The following ADAMTSL1 variants were observed in gnomAD, a reference collection of about 807,000 sequenced individuals.
ADAMTSL1 encodes ADAMTS like 1, also known as ADAMTS-like protein 1.
ADAMTSL1 carries 126 observed loss-of-function variants against 201.8 expected under a neutral mutation model. The ratio of observed to expected loss-of-function variants is 0.62; its 90% confidence interval spans 0.54 to 0.72. The LOEUF is 0.72. Ranked by LOEUF, ADAMTSL1 falls within the 30% of genes least tolerant of loss-of-function variation. ADAMTSL1 has a pLI of 0.00. For missense variants in ADAMTSL1, 2,679 were observed against 2,277.8 expected (o/e 1.18, Z -3.59); for synonymous variants, 1,121 against 903.4 (o/e 1.24, Z -4.32).
At chr9:18,883,400 G>A (rs1828660757) in intron 23 of ADAMTSL1, among the ~76,000 whole-genome samples, 2 of 152,144 alleles carry the variant, frequency 1.3e-5, no homozygotes, top group Non-Finnish European at 2.9e-5. Context: ...GTTTGGAACT[G>A]GTACATTATC....
At chr9:18,178,439 G>C (rs1295762955) in intron 2 of ADAMTSL1, among the ~76,000 whole-genome samples, 4 of 151,428 alleles carry the variant, frequency 2.6e-5, no homozygotes, top group South Asian at 4.2e-4. Flanking sequence ...AGGCAGCAGC[G>C]AGGCTGGGGG....
chr9:18,716,364 C>G (rs77195350), intron 14 of ADAMTSL1, among the ~76,000 whole-genome samples: 81,599 of 150,500 alleles, frequency 0.54, 22,260 homozygotes, highest in South Asian at 0.66. Flanking sequence ...TATCCAGAAT[C>G]TACAATGAAC....
intron 2 of ADAMTSL1, among the ~76,000 whole-genome samples, chr9:18,254,167 G>C (rs1831577076): frequency 6.6e-6 from 1 of 151,998 alleles, no homozygotes; most frequent in African/African-American, 2.4e-5. Flanking sequence ...GGATGGGAGA[G>C]CTAATCACGT....
At chr9:18,219,042 T>C (rs568228220) in intron 2 of ADAMTSL1, among the ~76,000 whole-genome samples, 7 of 152,138 alleles carry the variant, frequency 4.6e-5, no homozygotes, top group Non-Finnish European at 1.0e-4. Context: ...TTCATAAATA[T>C]GTATGAATAT....
chr9:18,388,052 T>G (rs541481966), intron 2 of ADAMTSL1, among the ~76,000 whole-genome samples: 1 of 152,168 alleles, frequency 6.6e-6, no homozygotes, highest in Non-Finnish European at 1.5e-5. Context: ...TGCTTCTTTG[T>G]TTGATATTTA....
chr9:18,562,979 G>A (rs1821625975), intron 3 of ADAMTSL1, among the ~76,000 whole-genome samples: 1 of 152,150 alleles, frequency 6.6e-6, no homozygotes, highest in Non-Finnish European at 1.5e-5. Context: ...TTAGCTCAGA[G>A]GAGTTTGTTA....
At chr9:18,062,870 A>G (rs1382063848) in intron 1 of ADAMTSL1, among the ~76,000 whole-genome samples, 1 of 152,202 alleles carries the variant, frequency 6.6e-6, no homozygotes, top group Admixed American at 6.5e-5. Context: ...ACTTGCTAAC[A>G]TGACCTCCTC....
intron 7 of ADAMTSL1, among the ~76,000 whole-genome samples, chr9:18,642,222 T>C (rs532145389): frequency 6.6e-6 from 1 of 152,060 alleles, no homozygotes; most frequent in South Asian, 2.1e-4. Flanking sequence ...CTTCAAGGCA[T>C]GGCAGGATTT....
In ADAMTSL1 at chr9:18,717,934, T is replaced by G. The variant is rs1309398551; in HGVS notation, c.1877-3602T>G. 5 of 1,308,150 alleles carry G rather than the reference T, an allele frequency of 3.8e-6. No homozygotes were observed. In the East Asian group the frequency reaches 9.2e-5, roughly 24 times the overall value. 81.0% of individuals were successfully genotyped at this position (1,308,150 alleles called of 1,614,324 possible). ...TGGCACTATTGAATTGGACAACAGT[T>G]CTTCAGAGCTGACTCAGAGCTGCAA... is the stretch of plus-strand genomic sequence containing the variant. On this transcript the variant is annotated intron_variant, in intron 14 of 28. Transcript: ENST00000380548.
intron 19 of ADAMTSL1, among the ~76,000 whole-genome samples, chr9:18,791,161 G>T (rs1264772326): frequency 5.9e-5 from 9 of 152,132 alleles, no homozygotes; most frequent in African/African-American, 1.2e-4. Context: ...TCTCTCTCTA[G>T]TCGCCAGGCT....
chr9:18,777,256 G>T lies in ADAMTSL1; in HGVS notation c.3027G>T (p.Glu1009Asp). The change falls in exon 19 of 29, where the codon GAG (glutamate) becomes GAT (aspartate). Residue 1009 changes from glutamate to aspartate, a missense_variant. Coordinates refer to ENST00000380548, the MANE Select transcript of ADAMTSL1 (RefSeq NM_001040272.6). Reference sequence around the variant, plus strand: ...TCTTCTCCAACGGCAGCAAGGCGGAGAAGCGGGGCCTGGCCGCCAACCCGG... The same window carrying T: ...TCTTCTCCAACGGCAGCAAGGCGGATAAGCGGGGCCTGGCCGCCAACCCGG... ...NGIFSNGSKA[E>D]KRGLAANPGS... The T allele has an allele frequency of 6.2e-7, 1 of 1,611,808 alleles. No individual in the cohort carries two copies. Among genetic ancestry groups the T allele is most frequent in the Non-Finnish European group, 8.5e-7 (1 of 1,179,436 alleles).
intron 2 of ADAMTSL1, among the ~76,000 whole-genome samples, chr9:18,307,751 C>T (rs956526776): frequency 6.6e-6 from 1 of 152,056 alleles, no homozygotes; most frequent in Non-Finnish European, 1.5e-5. Context: ...TAGTGGGAGA[C>T]TTTAACACCC....
chr9:18,527,810 G>C (rs1168776649), intron 2 of ADAMTSL1, among the ~76,000 whole-genome samples: 1 of 152,138 alleles, frequency 6.6e-6, no homozygotes, highest in Non-Finnish European at 1.5e-5. Context: ...GACTGGGCAG[G>C]AGTAAAATGG....
At chr9:18,843,012 T>C (rs1395172282) in intron 23 of ADAMTSL1, among the ~76,000 whole-genome samples, 3 of 152,162 alleles carry the variant, frequency 2.0e-5, no homozygotes, top group Non-Finnish European at 2.9e-5. Context: ...TGTCTTTTAA[T>C]TGGAGCATTT....
At chr9:18,577,506 G>A (rs1822809556) in intron 4 of ADAMTSL1, among the ~76,000 whole-genome samples, 1 of 152,074 alleles carries the variant, frequency 6.6e-6, no homozygotes, top group Non-Finnish European at 1.5e-5. Context: ...AATACAACAT[G>A]AGTTTGAATC....
At chr9:18,330,156 T>C (rs985154614) in intron 2 of ADAMTSL1, among the ~76,000 whole-genome samples, 1 of 152,208 alleles carries the variant, frequency 6.6e-6, no homozygotes, top group Non-Finnish European at 1.5e-5. Context: ...ATAGATAATG[T>C]TGATACCTGG....
At chr9:18,811,023 A>AAC (rs1163476561) in intron 20 of ADAMTSL1, among the ~76,000 whole-genome samples, 1 of 149,680 alleles carries the variant, frequency 6.7e-6, no homozygotes, top group Non-Finnish European at 1.5e-5. Flanking sequence ...AAAAAAAAAA[A>AAC]AAAAAAAAAA....
intron 19 of ADAMTSL1, among the ~76,000 whole-genome samples, chr9:18,779,464 A>G (rs1013502782): frequency 3.9e-5 from 6 of 152,202 alleles, no homozygotes; most frequent in African/African-American, 1.4e-4. Context: ...TCAAGATCGT[A>G]GGAACTAGTA....
chr9:18,054,129 G>A (rs527591337), intron 1 of ADAMTSL1, among the ~76,000 whole-genome samples: 1 of 152,060 alleles, frequency 6.6e-6, no homozygotes, highest in Non-Finnish European at 1.5e-5. Flanking sequence ...GATTATACAG[G>A]AAATATATGT....
Sources: gnomAD v4.1 joint callset for allele counts (sites outside exome capture counted in the v4.1 genomes callset) on GRCh38, gnomAD v4.1.1 for gene constraint, MANE v1.5 for transcripts, NCBI Gene and HGNC (gene_info 2026-07-23, HGNC 2026-07-21) for gene names.